NELL1: variants seen among roughly 807,000 people sequenced by gnomAD.
NELL1 encodes the protein neural EGFL like 1.
NELL1 carries 76 observed loss-of-function variants against 107.4 expected under a neutral mutation model. The observed-to-expected ratio is 0.71, with a 90% confidence interval of 0.59 to 0.86. The LOEUF is 0.86. NELL1 is among the 40% of genes least tolerant of loss of function. The probability of loss-of-function intolerance (pLI) is 0.00; values close to 1 mark genes in which losing one functional copy is unlikely to be tolerated. For missense variants in NELL1, 1,024 were observed against 1,005.5 expected (o/e 1.02, Z -0.25); for synonymous variants, 353 against 341.2 (o/e 1.03, Z -0.38).
intron 13 of NELL1, among the ~76,000 whole-genome samples, chr11:21,211,820 TG>T (rs1157458912): frequency 6.6e-6 from 1 of 152,100 alleles, no homozygotes. Flanking sequence ...CTATTTTTTT[TG>T]TTTGTTTGGT....
chr11:20,858,624 C>G (rs1161782932), intron 4 of NELL1, among the ~76,000 whole-genome samples: 1 of 152,162 alleles, frequency 6.6e-6, no homozygotes, highest in African/African-American at 2.4e-5. Context: ...TCTGTTGTTG[C>G]CTGCTCCAAC....
chr11:21,351,554 T>G (rs2133721103), intron 14 of NELL1, among the ~76,000 whole-genome samples: 1 of 152,210 alleles, frequency 6.6e-6, no homozygotes, highest in South Asian at 2.1e-4. Flanking sequence ...TTTAAATTTC[T>G]AATTCTATAG....
In NELL1 at chr11:21,337,837, T is replaced by TTTTCTTTCTTTCTTTTCTTTC. The variant is rs1565175603; in HGVS notation, c.1550-33001_1550-33000insTCTTTCTTTCTTTCTTTCTTT. On this transcript the variant is annotated intron_variant, in intron 14 of 19. Transcript: ENST00000357134. Reference sequence around the variant, plus strand: ...CTTTCCTTCTTTCTTTCTTTCTTTCTTTTCTTTCTTTCTTTCTTTCTTTCT... The same window carrying TTTTCTTTCTTTCTTTTCTTTC: ...CTTTCCTTCTTTCTTTCTTTCTTTCTTTTCTTTCTTTCTTTTCTTTCTTTCTTTCTTTCTTTCTTTCTTTCT... Among the ~76,000 whole-genome samples, 308 of 86,634 alleles carry TTTTCTTTCTTTCTTTTCTTTC rather than the reference T, an allele frequency of 3.6e-3. 3 individuals are homozygous for TTTTCTTTCTTTCTTTTCTTTC. The highest frequency in any genetic ancestry group is 4.3e-3 in the Non-Finnish European group (187 of 43,242). 56.8% of individuals were successfully genotyped at this position (86,634 alleles called of 152,430 possible). A position where few individuals can be genotyped will look rare whatever the true frequency, so the allele number is the denominator to read the frequency against.
chr11:21,532,551 C>G (rs1416629950), intron 15 of NELL1, among the ~76,000 whole-genome samples: 4 of 152,152 alleles, frequency 2.6e-5, no homozygotes, highest in Non-Finnish European at 5.9e-5. Flanking sequence ...GGTTGAGATG[C>G]TTCTATTTGT....
At chr11:21,535,891 G>T (rs551380662) in intron 16 of NELL1, among the ~76,000 whole-genome samples, 1 of 152,194 alleles carries the variant, frequency 6.6e-6, no homozygotes, top group South Asian at 2.1e-4. Flanking sequence ...TACATATGCA[G>T]CTCATTGTAA....
chr11:20,808,008 T>TG (rs1156509959), intron 3 of NELL1, among the ~76,000 whole-genome samples: 2 of 152,162 alleles, frequency 1.3e-5, no homozygotes, highest in Non-Finnish European at 2.9e-5. Flanking sequence ...AGCCTGGAAT[T>TG]GGGGACCCCA....
intron 4 of NELL1, among the ~76,000 whole-genome samples, chr11:20,870,523 C>T (rs1849176998): frequency 6.6e-6 from 1 of 152,004 alleles, no homozygotes; most frequent in Admixed American, 6.6e-5. Flanking sequence ...AGATCTCAGT[C>T]ATCTCAGTGA....
intron 15 of NELL1, among the ~76,000 whole-genome samples, chr11:21,449,776 T>C (rs1425110639): frequency 6.6e-6 from 1 of 152,242 alleles, no homozygotes; most frequent in Non-Finnish European, 1.5e-5. Context: ...TGCATGTGGC[T>C]ACCACTTGTT....
chr11:21,007,862 A>G (rs190604739), intron 12 of NELL1, among the ~76,000 whole-genome samples: 1 of 152,268 alleles, frequency 6.6e-6, no homozygotes, highest in Non-Finnish European at 1.5e-5. Context: ...CCTCAGATAC[A>G]TAGCTAAAGA....
intron 15 of NELL1, among the ~76,000 whole-genome samples, chr11:21,515,359 GA>G (rs1393874148): frequency 6.6e-6 from 1 of 152,174 alleles, no homozygotes; most frequent in East Asian, 1.9e-4. Context: ...AGCAGATGAA[GA>G]GGAAGCAGAT....
At position 20,725,314 on chromosome 11, in the gene NELL1, C is replaced by T. The variant is rs183610112; in HGVS notation, c.184+47254C>T. ...TTCCAGGTTGCATGTGCCTGGATGC[C>T]ATATGAGTTCTGAGATATTTCCTGT... On this transcript the variant is annotated intron_variant, in intron 2 of 19. Transcript: ENST00000357134. Among the ~76,000 whole-genome samples the T allele has an allele frequency of 5.3e-5, 8 of 152,244 alleles. No individual in the cohort carries two copies. In the East Asian group the frequency reaches 1.5e-3, roughly 29 times the overall value.
intron 13 of NELL1, among the ~76,000 whole-genome samples, chr11:21,191,643 A>G (rs780065667): frequency 6.6e-6 from 1 of 151,948 alleles, no homozygotes; most frequent in Non-Finnish European, 1.5e-5. Flanking sequence ...AAGGATTATA[A>G]CAGCACTTTC....
rs184184222 is a variant in NELL1 at position 21,426,386 on chromosome 11, A to T, written c.1645+55438A>T. On this transcript the variant is annotated intron_variant, in intron 15 of 19. Transcript: ENST00000357134. ...GCTGAATAAATGAAATTCTGGCTGAAAAATGAATGAATGCATAATCATTAT... is the reference window on the plus strand; with the variant it reads ...GCTGAATAAATGAAATTCTGGCTGATAAATGAATGAATGCATAATCATTAT... Among the ~76,000 whole-genome samples the T allele has an allele frequency of 2.6e-3, 393 of 152,328 alleles. 2 individuals are homozygous for T. Among genetic ancestry groups the T allele is most frequent in the Non-Finnish European group, 4.4e-3 (298 of 68,024 alleles).
At chr11:20,674,052 C>CT (rs1565300765) in intron 1 of NELL1, among the ~76,000 whole-genome samples, 2 of 152,082 alleles carry the variant, frequency 1.3e-5, no homozygotes, top group South Asian at 4.1e-4. Context: ...ATTGATTTCT[C>CT]TTTTTTTGGC....
chr11:20,748,899 T>G (rs3993121), intron 2 of NELL1, among the ~76,000 whole-genome samples: 4,326 of 53,224 alleles, frequency 0.081, 81 homozygotes, highest in Middle Eastern at 0.2. Context: ...CATCCATCCA[T>G]CCACCCAGCC....
chr11:21,560,222 G>C lies in NELL1; in HGVS notation c.1820G>C (p.Cys607Ser). The change falls in exon 17 of 20, where the codon TGT (cysteine) becomes TCT (serine). Residue 607 changes from cysteine (C) to serine (S), a missense_variant. Physicochemically the swap from Cys to Ser is moderately radical, Grantham distance 112 (BLOSUM62 -1). Coordinates refer to ENST00000357134, the MANE Select transcript of NELL1 (RefSeq NM_006157.5). Reference protein sequence around the residue: ...IDECALRTHTCWNDSACINLA... With the variant: ...IDECALRTHTSWNDSACINLA... ...GAATGTGCCTTAAGAACTCACACCT[G>C]TTGGAACGATTCTGCCTGCATCAAC... The C allele has an allele frequency of 6.2e-7, 1 of 1,613,722 alleles. No homozygotes were observed.
chr11:20,728,466 A>C (rs570029727), intron 2 of NELL1, among the ~76,000 whole-genome samples: 1 of 152,128 alleles, frequency 6.6e-6, no homozygotes, highest in Non-Finnish European at 1.5e-5. Context: ...ATCTTTAATC[A>C]ATATTGAGTT....
At chr11:20,675,887 A>G (rs954624847) in intron 1 of NELL1, among the ~76,000 whole-genome samples, 1 of 151,884 alleles carries the variant, frequency 6.6e-6, no homozygotes, top group East Asian at 1.9e-4. Context: ...AACTGGGACC[A>G]TAGGTGTACG....
intron 1 of NELL1, among the ~76,000 whole-genome samples, chr11:20,676,481 C>A (rs1854060003): frequency 6.6e-6 from 1 of 152,138 alleles, no homozygotes; most frequent in African/African-American, 2.4e-5. Context: ...TTTGGGTCAA[C>A]TGGAAGGGGA....
Sources: gnomAD v4.1 joint callset for allele counts (sites outside exome capture counted in the v4.1 genomes callset) on GRCh38, gnomAD v4.1.1 for gene constraint, MANE v1.5 for transcripts, NCBI Gene and HGNC (gene_info 2026-07-23, HGNC 2026-07-21) for gene names.